The following GLIS3 variants were observed in gnomAD, a reference collection of about 807,000 sequenced individuals.
The protein encoded by GLIS3 is zinc finger protein GLIS3.
A neutral mutation model predicts 78.6 loss-of-function variants in GLIS3; 53 were observed. The ratio of observed to expected loss-of-function variants is 0.67; its 90% confidence interval spans 0.54 to 0.85. The LOEUF is 0.85. GLIS3 is among the 40% of genes least tolerant of loss of function. The pLI is 0.00. For synonymous variants in GLIS3, 684 were observed against 509.9 expected (o/e 1.34, Z -4.60); for missense variants, 1,703 against 1,231.1 (o/e 1.38, Z -5.74).
intron 4 of GLIS3, among the ~76,000 whole-genome samples, chr9:4,107,980 G>A (rs893427758): frequency 6.6e-6 from 1 of 152,100 alleles, no homozygotes; most frequent in Non-Finnish European, 1.5e-5. Flanking sequence ...GTGCACATTT[G>A]AGGTCTACAG....
intron 2 of GLIS3, among the ~76,000 whole-genome samples, chr9:4,215,048 C>T (rs185405798): frequency 3.3e-5 from 5 of 152,228 alleles, no homozygotes; most frequent in Admixed American, 3.3e-4. Flanking sequence ...GATGGCTCTA[C>T]CCTTACAGCA....
chr9:4,188,306 T>C (rs1209464930), intron 2 of GLIS3, among the ~76,000 whole-genome samples: 3 of 150,202 alleles, frequency 2.0e-5, no homozygotes, highest in African/African-American at 7.4e-5. Context: ...ATTTATTGAT[T>C]TGTGTATATT....
chr9:4,187,158 G>A (rs2131199281), intron 2 of GLIS3, among the ~76,000 whole-genome samples: 1 of 152,224 alleles, frequency 6.6e-6, no homozygotes, highest in East Asian at 1.9e-4. Flanking sequence ...AATCCATCTT[G>A]AATTAATTTT....
chr9:4,254,309 C>G (rs970049164), intron 2 of GLIS3, among the ~76,000 whole-genome samples: 2 of 152,156 alleles, frequency 1.3e-5, no homozygotes, highest in African/African-American at 4.8e-5. Context: ...TGCAAAGCAA[C>G]TTTACCAAGA....
At chr9:3,855,978 A>C in intron 9 of GLIS3, 31 bp downstream of exon 9, 1 of 1,613,092 alleles carries the variant, frequency 6.2e-7, no homozygotes, top group Non-Finnish European at 8.5e-7. Context: ...TCACTTTTCA[A>C]AACTCAAGGG....
At chr9:4,385,540 C>G in the GLIS3 span, among the ~76,000 whole-genome samples, 1 of 151,670 alleles carries the variant, frequency 6.6e-6, no homozygotes, top group Non-Finnish European at 1.5e-5. Flanking sequence ...TGATGGGCAC[C>G]TGTAATCCCA....
intron 2 of GLIS3, among the ~76,000 whole-genome samples, chr9:4,313,116 C>T (rs924712775): frequency 1.3e-5 from 2 of 152,210 alleles, no homozygotes; most frequent in African/African-American, 4.8e-5. Context: ...ACCTGTGTAA[C>T]AGTACTCTTT....
intron 6 of GLIS3, among the ~76,000 whole-genome samples, chr9:3,914,955 C>G (rs1247114216): frequency 6.6e-6 from 1 of 152,110 alleles, no homozygotes; most frequent in Non-Finnish European, 1.5e-5. Context: ...CACAGAATTA[C>G]TGTCAGTAAT....
rs967002682 is a variant in GLIS3 at position 4,286,104 on chromosome 9, C to G, written c.322G>C (p.Gly108Arg). 17 of 1,613,338 alleles carry G rather than the reference C, an allele frequency of 1.1e-5. No homozygotes were observed. Among genetic ancestry groups the G allele is most frequent in the African/African-American group, 6.7e-5 (5 of 74,898 alleles). The change falls in exon 2 of 11, where the codon GGG becomes CGG. Residue 108 changes from glycine (G) to arginine (R), a missense_variant. Transcript: ENST00000381971. The stretch of plus-strand genomic sequence containing the variant: ...TGCTTTGGCTTTAAAGTATGTGACC[C>G]TGACATGCCTCCAGCCTGGGTGACC... ...FQVTQAGGMS[G>R]SHTLKPKQQE...
chr9:4,106,666 T>C (rs539217919), intron 4 of GLIS3, among the ~76,000 whole-genome samples: 27 of 152,300 alleles, frequency 1.8e-4, no homozygotes, highest in South Asian at 1.0e-3. Flanking sequence ...TATGACCACA[T>C]TGTGTGTATC....
At chr9:3,933,348 AT>A (rs1825728689) in intron 5 of GLIS3, among the ~76,000 whole-genome samples, 1 of 152,060 alleles carries the variant, frequency 6.6e-6, no homozygotes, top group Non-Finnish European at 1.5e-5. Flanking sequence ...GCACTTTTTA[AT>A]TTTTGTATCC....
rs75336834 is a variant in GLIS3 at position 4,294,861 on chromosome 9, T to C, written c.-99+4560A>G. ...TTTATTCTATTTATATTGTTCATTC[T>C]GTACTGCTCATACTGAAAAACATGG... is the stretch of plus-strand genomic sequence containing the variant. On this transcript the variant is annotated intron_variant, in intron 1 of 10. Transcript: ENST00000381971. 6.0e-3 allele frequency among the ~76,000 whole-genome samples: 918 copies of C among 152,358 alleles called. 11 individuals carry two copies. The highest frequency in any genetic ancestry group is 0.021 in the African/African-American group (861 of 41,574).
chr9:4,201,886 A>G (rs1187152692), intron 2 of GLIS3, among the ~76,000 whole-genome samples: 1 of 152,194 alleles, frequency 6.6e-6, no homozygotes, highest in Non-Finnish European at 1.5e-5. Context: ...CTGTAATTCC[A>G]GGAGTTTGAG....
chr9:4,261,680 C>T (rs1462612149), intron 2 of GLIS3, among the ~76,000 whole-genome samples: 1 of 152,194 alleles, frequency 6.6e-6, no homozygotes, highest in Non-Finnish European at 1.5e-5. Context: ...ACGTAACTCA[C>T]TCACTTCTCT....
At chr9:4,082,928 G>T (rs1828682804) in intron 4 of GLIS3, among the ~76,000 whole-genome samples, 1 of 152,146 alleles carries the variant, frequency 6.6e-6, no homozygotes, top group African/African-American at 2.4e-5. Flanking sequence ...AAAAAGTTAT[G>T]TTTTGGGGCT....
chr9:3,881,506 T>C (rs548649203), intron 7 of GLIS3, among the ~76,000 whole-genome samples: 1 of 152,326 alleles, frequency 6.6e-6, no homozygotes, highest in East Asian at 1.9e-4. Flanking sequence ...GTGCTGCTTC[T>C]CAGAGGTCTG....
At chr9:4,432,205 A>T in the GLIS3 span, among the ~76,000 whole-genome samples, 1 of 151,252 alleles carries the variant, frequency 6.6e-6, no homozygotes, top group Non-Finnish European at 1.5e-5. Context: ...CCTCGTACAA[A>T]GGTCAGTGTA....
intron 2 of GLIS3, among the ~76,000 whole-genome samples, chr9:4,329,442 T>C (rs149936130): frequency 5.6e-4 from 85 of 152,282 alleles, no homozygotes; most frequent in African/African-American, 2.0e-3. Flanking sequence ...CCCCCAGTGG[T>C]ATTTCAAATG....
intron 7 of GLIS3, among the ~76,000 whole-genome samples, chr9:3,891,195 G>C (rs1353587825): frequency 6.6e-6 from 1 of 151,932 alleles, no homozygotes; most frequent in Admixed American, 6.6e-5. Flanking sequence ...ATAGTATTTA[G>C]ATAAAAGCAA....
Sources: allele counts gnomAD v4.1 joint callset (sites outside exome capture counted in the v4.1 genomes callset), GRCh38; gene constraint gnomAD v4.1.1; transcripts MANE v1.5; gene names NCBI Gene and HGNC (gene_info 2026-07-23, HGNC 2026-07-21).